The following EYS variants were observed in gnomAD, a reference collection of about 807,000 sequenced individuals.
The protein encoded by EYS is EGF-like photoreceptor maintenance factor, also known as protein eyes shut homolog.
Under a neutral mutation model 282.1 loss-of-function variants are expected in EYS, and 250 were observed. The ratio of observed to expected loss-of-function variants is 0.89; its 90% CI spans 0.80 to 0.98. The LOEUF (loss-of-function observed/expected upper bound fraction) is 0.98. EYS is among the 50% of genes least tolerant of loss of function. The probability of loss-of-function intolerance (pLI) is 0.00; values close to 1 mark genes in which losing one functional copy is unlikely to be tolerated. For synonymous variants in EYS, 1,355 were observed against 1,282.9 expected, an observed-to-expected ratio of 1.06 and a Z score of -1.20; for missense variants, 4,016 against 3,709.0, an observed-to-expected ratio of 1.08 and a Z score of -2.15.
Position 63,720,654 on chromosome 6 carries a change from A to G in EYS, c.9377T>C (p.Leu3126Pro). 6.5e-7 allele frequency: 1 copy of G among 1,532,600 alleles called. No individual in the cohort carries two copies. Among genetic ancestry groups the G allele is most frequent in the Non-Finnish European group, 8.8e-7 (1 of 1,137,834 alleles). The allele number at this position is 1,532,600 out of a possible 1,614,324, so 94.9% of individuals were successfully genotyped here. The change falls in exon 43 of 43, where the codon CTA becomes CCA. Residue 3126 changes from leucine to proline, a missense_variant. Physicochemically the swap from Leu to Pro is moderately conservative, Grantham distance 98. Coordinates refer to ENST00000503581, the MANE Select transcript of EYS (RefSeq NM_001142800.2). Reference protein sequence around the residue: ...VFFQEPKNIELIKLEGYNVYD... With the variant: ...VFFQEPKNIEPIKLEGYNVYD... ...AACATTGTATCCTTCTAATTTAATTAGTTCAATGTTTTTTGGTTCCTGAAA... is the reference window on the plus strand; with the variant it reads ...AACATTGTATCCTTCTAATTTAATTGGTTCAATGTTTTTTGGTTCCTGAAA...
At chr6:65,285,738 C>A (rs1466503750) in intron 12 of EYS, among the ~76,000 whole-genome samples, 2 of 151,800 alleles carry the variant, frequency 1.3e-5, no homozygotes, top group East Asian at 3.9e-4. Context: ...GTGTACAAAT[C>A]GAGAAATATT....
intron 12 of EYS, among the ~76,000 whole-genome samples, chr6:65,142,500 A>ACACACACACC (rs1159259859): frequency 6.6e-6 from 1 of 151,362 alleles, no homozygotes; most frequent in Non-Finnish European, 1.5e-5. Flanking sequence ...ACACACACAC[A>ACACACACACC]CACACACACA....
chr6:64,115,731 A>G (rs1773360266), intron 31 of EYS, among the ~76,000 whole-genome samples: 1 of 152,196 alleles, frequency 6.6e-6, no homozygotes, highest in African/African-American at 2.4e-5. Flanking sequence ...CTTGAAGAAG[A>G]CTGTTCTATT....
chr6:65,092,360 CATT>C (rs776202466), intron 12 of EYS, among the ~76,000 whole-genome samples: 32 of 152,252 alleles, frequency 2.1e-4, no homozygotes, highest in Middle Eastern at 3.4e-3. Flanking sequence ...GCATTCCTAA[CATT>C]ATGATTTCTG....
chr6:64,716,477 A>G (rs976445312), intron 22 of EYS, among the ~76,000 whole-genome samples: 2 of 152,292 alleles, frequency 1.3e-5, no homozygotes, highest in Non-Finnish European at 1.5e-5. Flanking sequence ...TACCATGGTG[A>G]TTCATTAATC....
chr6:64,112,766 A>G (rs1355397022), intron 31 of EYS, among the ~76,000 whole-genome samples: 1 of 148,082 alleles, frequency 6.8e-6, no homozygotes, highest in Non-Finnish European at 1.5e-5. Flanking sequence ...TAGAATAGAT[A>G]TATATCTAGA....
intron 2 of EYS, among the ~76,000 whole-genome samples, chr6:65,626,837 G>A (rs1766710668): frequency 6.6e-6 from 1 of 151,516 alleles, no homozygotes; most frequent in South Asian, 2.1e-4. Flanking sequence ...AGTGTTTTAT[G>A]TATTGTATGG....
intron 30 of EYS, among the ~76,000 whole-genome samples, chr6:64,297,062 G>A (rs1182317770): frequency 6.6e-6 from 1 of 152,136 alleles, no homozygotes; most frequent in Non-Finnish European, 1.5e-5. Context: ...TAGTCATGTG[G>A]CAGGCAGTTG....
chr6:65,174,443 A>G (rs1765179612), intron 12 of EYS, among the ~76,000 whole-genome samples: 1 of 151,330 alleles, frequency 6.6e-6, no homozygotes, highest in African/African-American at 2.4e-5. Context: ...AGACTTTAAC[A>G]TTCTACAAAT....
intron 26 of EYS, among the ~76,000 whole-genome samples, chr6:64,463,932 G>A (rs1162868355): frequency 6.6e-6 from 1 of 152,102 alleles, no homozygotes; most frequent in Non-Finnish European, 1.5e-5. Flanking sequence ...CAGATTCATT[G>A]CGTGAAGCTA....
chr6:65,614,393 G>A (rs1766111772), intron 2 of EYS, among the ~76,000 whole-genome samples: 1 of 151,894 alleles, frequency 6.6e-6, no homozygotes, highest in South Asian at 2.1e-4. Context: ...TGGTAAAAAT[G>A]GTAATATGTA....
intron 24 of EYS, among the ~76,000 whole-genome samples, chr6:64,613,778 A>G (rs1448226203): frequency 6.6e-6 from 1 of 152,168 alleles, no homozygotes; most frequent in Non-Finnish European, 1.5e-5. Context: ...ATGTTCAAAA[A>G]TGCTACAGGG....
rs775557294 is a variant in EYS, at chr6:65,348,268, C to CAT, written c.1460-4093_1460-4092dup. 2.0e-5 allele frequency among the ~76,000 whole-genome samples: 3 copies of CAT among 151,796 alleles called. No individual in the cohort carries two copies. The East Asian group carries it at 5.8e-4, about 30-fold the overall frequency. The stretch of plus-strand genomic sequence containing the variant: ...ATACCTAGCAGTGGGATTGCTGGAT[C>CAT]ATATGGCAGTTCTATTTTTAGTATT... On this transcript the variant is annotated intron_variant, in intron 9 of 42. Coordinates refer to ENST00000503581, the MANE Select transcript of EYS (RefSeq NM_001142800.2).
chr6:65,679,070 G>A (rs978177351), intron 1 of EYS, among the ~76,000 whole-genome samples: 19 of 151,862 alleles, frequency 1.3e-4, no homozygotes, highest in East Asian at 7.8e-4. Flanking sequence ...CTGTAAAATC[G>A]TGCTGGGGCT....
chr6:64,684,204 A>G (rs1770003519), intron 22 of EYS, among the ~76,000 whole-genome samples: 1 of 152,186 alleles, frequency 6.6e-6, no homozygotes, highest in African/African-American at 2.4e-5. Flanking sequence ...AGAGAAAACA[A>G]AAAGGTAGGC....
At chr6:63,905,329 CTTTTTTTTT>C (rs377115720) in intron 35 of EYS, among the ~76,000 whole-genome samples, 1 of 118,304 alleles carries the variant, frequency 8.5e-6, no homozygotes, top group East Asian at 2.4e-4. Flanking sequence ...CTTTTTTTTT[CTTTTTTTTT>C]TTTTTTTTTG....
At chr6:64,520,113 G>T (rs1195042439) in intron 26 of EYS, among the ~76,000 whole-genome samples, 1 of 151,748 alleles carries the variant, frequency 6.6e-6, no homozygotes, top group Non-Finnish European at 1.5e-5. Flanking sequence ...GAGGTTCACT[G>T]GTTCACTTGC....
chr6:64,006,493 T>A (rs1768353696), intron 33 of EYS, among the ~76,000 whole-genome samples: 1 of 152,172 alleles, frequency 6.6e-6, no homozygotes, highest in African/African-American at 2.4e-5. Flanking sequence ...TACTCTTGCC[T>A]GATTGCTCTG....
At position 65,639,178 on chromosome 6, in the gene EYS, C is replaced by A. The variant is rs115262740; in HGVS notation, c.-333+600G>T. Among the ~76,000 whole-genome samples the A allele has an allele frequency of 9.4e-3, 1,430 of 151,976 alleles. 8 individuals carry two copies. The highest frequency in any genetic ancestry group is 0.014 in the Non-Finnish European group (961 of 67,944). On this transcript the variant is annotated intron_variant, in intron 2 of 42. Transcript: ENST00000503581. Reference sequence around the variant, plus strand: ...TAATAAAATACAGAGAACAAAAAACCTGAGAATGTATGATTAAGATAATAT... The same window carrying A: ...TAATAAAATACAGAGAACAAAAAACATGAGAATGTATGATTAAGATAATAT...
Sources: gnomAD v4.1 joint callset for allele counts (sites outside exome capture counted in the v4.1 genomes callset) on GRCh38, gnomAD v4.1.1 for gene constraint, MANE v1.5 for transcripts, NCBI Gene and HGNC (gene_info 2026-07-23, HGNC 2026-07-21) for gene names.